Variants in WWP2 observed in about 807,000 individuals in gnomAD.
The protein encoded by WWP2 is WW domain containing E3 ubiquitin protein ligase 2.
Under a neutral mutation model 121.0 loss-of-function variants are expected in WWP2, and 57 were observed. That is an observed-to-expected ratio of 0.47 (90% CI 0.38 to 0.59). The LOEUF (loss-of-function observed/expected upper bound fraction) is 0.59, where lower values mean the gene tolerates loss of function less well. Among genes scored for constraint, WWP2 ranks in the 20% least tolerant of loss-of-function variants. WWP2 has a pLI of 0.00. For missense variants in WWP2, 962 were observed against 1,158.9 expected (o/e 0.83, Z 2.47); for synonymous variants, 449 against 441.3 (o/e 1.02, Z -0.22).
At chr16:69,914,070 T>TA (rs2058440642) in intron 9 of WWP2, among the ~76,000 whole-genome samples, 1 of 22,058 alleles carries the variant, frequency 4.5e-5, no homozygotes, top group African/African-American at 3.0e-4. Flanking sequence ...AGACTCTGTC[T>TA]CAAAAAAAAA....
chr16:69,921,556 G>T (rs1428746308), intron 10 of WWP2, among the ~76,000 whole-genome samples: 1 of 152,136 alleles, frequency 6.6e-6, no homozygotes, highest in African/African-American at 2.4e-5. Context: ...TAGTTTTTCT[G>T]CCATGTTTCC....
At chr16:69,805,934 T>G (rs1204515217) in intron 4 of WWP2, among the ~76,000 whole-genome samples, 1 of 152,042 alleles carries the variant, frequency 6.6e-6, no homozygotes, top group Non-Finnish European at 1.5e-5. Context: ...CAGTGGCTCA[T>G]ACCTGTAATC....
chr16:69,762,607 G>A (rs1489238165), intron 1 of WWP2, among the ~76,000 whole-genome samples: 1 of 151,586 alleles, frequency 6.6e-6, no homozygotes, highest in East Asian at 1.9e-4. Flanking sequence ...GGCCCGCGCG[G>A]GGGTTGCTCC....
chr16:69,904,369 C>T (rs1026641764), intron 8 of WWP2, among the ~76,000 whole-genome samples: 4 of 151,024 alleles, frequency 2.6e-5, no homozygotes, highest in Admixed American at 6.6e-5. Context: ...ATACCCAGTG[C>T]GCATTTTCTT....
At chr16:69,901,635 G>A (rs1159759025) in intron 8 of WWP2, among the ~76,000 whole-genome samples, 1 of 152,204 alleles carries the variant, frequency 6.6e-6, no homozygotes, top group Non-Finnish European at 1.5e-5. Flanking sequence ...TTCTAATGGA[G>A]AGAGTGGATT....
At chr16:69,772,334 C>G (rs1430891247) in intron 1 of WWP2, among the ~76,000 whole-genome samples, 2 of 152,076 alleles carry the variant, frequency 1.3e-5, no homozygotes, top group African/African-American at 4.8e-5. Flanking sequence ...TTTTGCCAGT[C>G]CTCCTGTTTT....
At chr16:69,794,037 C>T (rs2055973866) in intron 2 of WWP2, among the ~76,000 whole-genome samples, 2 of 149,634 alleles carry the variant, frequency 1.3e-5, no homozygotes, top group Non-Finnish European at 3.0e-5. Context: ...CGTGTCTTAG[C>T]CTCCTGAATA....
At chr16:69,768,093 T>C (rs1341223369) in intron 1 of WWP2, among the ~76,000 whole-genome samples, 3 of 152,104 alleles carry the variant, frequency 2.0e-5, no homozygotes, top group Non-Finnish European at 4.4e-5. Context: ...TGCCTCAGCC[T>C]CCCAAAGTGT....
intron 4 of WWP2, among the ~76,000 whole-genome samples, chr16:69,826,803 G>A (rs910244663): frequency 6.6e-6 from 1 of 150,834 alleles, no homozygotes; most frequent in Non-Finnish European, 1.5e-5. Context: ...GCCGGACATG[G>A]TGGCAGGTGC....
intron 6 of WWP2, among the ~76,000 whole-genome samples, chr16:69,866,518 T>G (rs2057527573): frequency 6.6e-6 from 1 of 152,082 alleles, no homozygotes. Flanking sequence ...CTCACTCAAT[T>G]AGTTTGGCTA....
intron 4 of WWP2, among the ~76,000 whole-genome samples, chr16:69,804,920 A>T (rs2056243996): frequency 6.6e-6 from 1 of 152,014 alleles, no homozygotes; most frequent in Non-Finnish European, 1.5e-5. Context: ...ATCTTTTCTT[A>T]TTCTGTCTTC....
At chr16:69,840,304 G>A in intron 5 of WWP2, 41 bp downstream of exon 5, 1 of 1,609,404 alleles carries the variant, frequency 6.2e-7, no homozygotes. Flanking sequence ...CCGGGACAGG[G>A]TGGGGCTGGG....
At chr16:69,921,830 TTGGGAGGC>T (rs1294244173) in intron 10 of WWP2, among the ~76,000 whole-genome samples, 1 of 152,120 alleles carries the variant, frequency 6.6e-6, no homozygotes, top group Non-Finnish European at 1.5e-5. Context: ...TCCCAGCACT[TTGGGAGGC>T]TGAGGCAGGC....
At chr16:69,924,592 T>C (rs904808) in intron 10 of WWP2, among the ~76,000 whole-genome samples, 122,802 of 151,672 alleles carry the variant, frequency 0.81, 50,093 homozygotes, top group East Asian at 0.96. Context: ...GGAGGGGGTG[T>C]GGGGGGGATT....
chr16:69,786,191 C>G (rs2055785520), intron 1 of WWP2: 1 of 150,228 alleles, frequency 6.7e-6, no homozygotes, highest in Admixed American at 6.7e-5. Context: ...GTTGCCCAGG[C>G]TGGAGTGCAG....
chr16:69,822,238 TC>T (rs1346220240), intron 4 of WWP2, among the ~76,000 whole-genome samples: 2 of 152,102 alleles, frequency 1.3e-5, no homozygotes, highest in Non-Finnish European at 2.9e-5. Context: ...AGAGTTTCTT[TC>T]TTCTCTGTAG....
chr16:69,903,535 G>A (rs1386646803), intron 8 of WWP2, among the ~76,000 whole-genome samples: 5 of 152,116 alleles, frequency 3.3e-5, no homozygotes, highest in African/African-American at 4.8e-5. Context: ...TTGGGAGGCC[G>A]AGGAGGGTGG....
intron 6 of WWP2, among the ~76,000 whole-genome samples, chr16:69,845,112 C>T (rs1861483132): frequency 6.6e-6 from 1 of 152,118 alleles, no homozygotes; most frequent in South Asian, 2.1e-4. Flanking sequence ...GGATAAGTCA[C>T]AAAACCTCTC....
chr16:69,825,456 A>G (rs2056669442), intron 4 of WWP2, among the ~76,000 whole-genome samples: 1 of 151,694 alleles, frequency 6.6e-6, no homozygotes, highest in Non-Finnish European at 1.5e-5. Flanking sequence ...CCAAAAAACT[A>G]AAGTGGCGAT....
Sources: allele counts gnomAD v4.1 joint callset (sites outside exome capture counted in the v4.1 genomes callset), GRCh38; gene constraint gnomAD v4.1.1; transcripts MANE v1.5; gene names NCBI Gene and HGNC (gene_info 2026-07-23, HGNC 2026-07-21).